LGALS9: variants seen among roughly 807,000 people sequenced by gnomAD.
LGALS9 encodes the protein galectin 9.
Under a neutral mutation model 35.9 loss-of-function variants are expected in LGALS9, and 26 were observed. The ratio of observed to expected loss-of-function variants is 0.72; its 90% CI spans 0.53 to 1.01. The LOEUF is 1.01. LGALS9 is among the 50% of genes least tolerant of loss of function. LGALS9 has a pLI of 0.00. For missense variants in LGALS9, 347 were observed against 445.8 expected (o/e 0.78, Z 1.99); for synonymous variants, 149 against 172.2 (o/e 0.87, Z 1.06).
At chr17:27,639,322 C>T (rs1399250057) in intron 2 of LGALS9, among the ~76,000 whole-genome samples, 3 of 152,132 alleles carry the variant, frequency 2.0e-5, no homozygotes, top group Non-Finnish European at 4.4e-5. Flanking sequence ...CCTGATCTTC[C>T]GCCCCTTCCT....
At position 27,640,633 on chromosome 17, in the gene LGALS9, C is replaced by T. The variant is rs780439566; in HGVS notation, c.193C>T (p.Arg65Trp). The T allele has an allele frequency of 6.2e-7, 1 of 1,614,146 alleles. No individual in the cohort carries two copies. The change falls in exon 3 of 11, where the codon CGG becomes TGG. Residue 65 changes from arginine to tryptophan, a missense_variant. Arg to Trp is a moderately radical substitution (Grantham distance 101, BLOSUM62 -3). Coordinates refer to ENST00000395473, the MANE Select transcript of LGALS9 (RefSeq NM_009587.3). ...GNDIAFHFNP[R>W]FEDGGYVVCN... ...TGACATTGCCTTCCACTTCAACCCT[C>T]GGTTTGAAGATGGAGGGTACGTGGT...
intron 7 of LGALS9, among the ~76,000 whole-genome samples, chr17:27,646,260 G>C (rs902539037): frequency 2.6e-5 from 4 of 152,106 alleles, no homozygotes; most frequent in African/African-American, 9.7e-5. Flanking sequence ...TTGATCACAG[G>C]CTTAAGCTCT....
At position 27,646,588 on chromosome 17, in the gene LGALS9, T is replaced by C; in HGVS notation, c.669T>C (p.Tyr223=). The part of the protein sequence containing the change: ...IPPMMYPHPA[Y]PMPFITTILG... ...CTATGATGTACCCCCACCCCGCCTA[T>C]GTAAGTGGTTTCTCAGGGAGGGCAG... Residue 223 remains tyrosine (Y), a splice_region_variant and synonymous_variant, in exon 8 of 11, where the codon TAT becomes TAC. Transcript: ENST00000395473. 4.3e-6 allele frequency: 7 copies of C among 1,612,622 alleles called. No individual in the cohort carries two copies. Among genetic ancestry groups the C allele is most frequent in the Non-Finnish European group, 5.9e-6 (7 of 1,179,940 alleles).
intron 2 of LGALS9, 26 bp from the exon 3 acceptor site, chr17:27,640,546 A>C: frequency 6.2e-7 from 1 of 1,613,876 alleles, no homozygotes; most frequent in Non-Finnish European, 8.5e-7. Context: ...ATGCCACAGA[A>C]GACTATTTGC....
At chr17:27,639,531 A>T (rs1462909688) in intron 2 of LGALS9, among the ~76,000 whole-genome samples, 2 of 152,254 alleles carry the variant, frequency 1.3e-5, no homozygotes, top group Middle Eastern at 3.4e-3. Flanking sequence ...ATACATGCAG[A>T]TATATTTCAA....
intron 1 of LGALS9, among the ~76,000 whole-genome samples, chr17:27,635,512 G>A (rs2074439894): frequency 6.6e-6 from 1 of 151,820 alleles, no homozygotes; most frequent in South Asian, 2.1e-4. Flanking sequence ...GAATTTTGGG[G>A]GCACTATTTA....
intron 1 of LGALS9, among the ~76,000 whole-genome samples, chr17:27,633,871 G>A (rs2074415992): frequency 6.6e-6 from 1 of 152,230 alleles, no homozygotes; most frequent in Non-Finnish European, 1.5e-5. Context: ...TTCAGAGGAG[G>A]GAACTGGGGC....
intron 3 of LGALS9, among the ~76,000 whole-genome samples, chr17:27,641,754 G>T (rs1235841089): frequency 6.6e-6 from 1 of 151,890 alleles, no homozygotes; most frequent in African/African-American, 2.4e-5. Context: ...AGGGCGGATC[G>T]CTTCAGGTCA....
At chr17:27,646,312 T>C (rs1016645331) in intron 7 of LGALS9, among the ~76,000 whole-genome samples, 1 of 151,884 alleles carries the variant, frequency 6.6e-6, no homozygotes, top group East Asian at 1.9e-4. Flanking sequence ...TTAGAATTAG[T>C]GGGGCTGCCT....
intron 5 of LGALS9, 142 bp downstream of exon 5, chr17:27,643,762 T>G: frequency 7.4e-7 from 1 of 1,359,076 alleles, no homozygotes; most frequent in Non-Finnish European, 9.8e-7. Context: ...CTCTGTCCGC[T>G]GGGCACCCAG....
chr17:27,632,150 T>C (rs1341146621), intron 1 of LGALS9, among the ~76,000 whole-genome samples: 5 of 152,002 alleles, frequency 3.3e-5, no homozygotes, highest in Non-Finnish European at 7.4e-5. Flanking sequence ...CCCAGGAGAC[T>C]TCAGGGGTCA....
At chr17:27,648,485 C>A (rs190451148) in intron 10 of LGALS9, among the ~76,000 whole-genome samples, 2 of 152,228 alleles carry the variant, frequency 1.3e-5, no homozygotes, top group East Asian at 3.9e-4. Flanking sequence ...TGTACCCTGA[C>A]TGCTTCGTGG....
intron 8 of LGALS9, 97 bp from the exon 9 acceptor site, chr17:27,646,933 T>G: frequency 4.5e-6 from 7 of 1,548,510 alleles, no homozygotes; most frequent in Non-Finnish European, 6.2e-6. Context: ...AGTAAAGATA[T>G]CATGGGCTTC....
chr17:27,648,508 G>T (rs1376557757), intron 10 of LGALS9, among the ~76,000 whole-genome samples: 1 of 152,144 alleles, frequency 6.6e-6, no homozygotes, highest in Non-Finnish European at 1.5e-5. Context: ...AAGGCATTGG[G>T]GTGGAAAAGA....
intron 1 of LGALS9, among the ~76,000 whole-genome samples, chr17:27,635,794 A>G (rs2074443439): frequency 6.6e-6 from 1 of 152,166 alleles, no homozygotes; most frequent in Admixed American, 6.5e-5. Context: ...GGCTCTGGAG[A>G]GAATCACAGG....
intron 1 of LGALS9, among the ~76,000 whole-genome samples, chr17:27,634,404 A>G (rs2074421117): frequency 6.6e-6 from 1 of 152,088 alleles, no homozygotes; most frequent in African/African-American, 2.4e-5. Context: ...GACAAACATT[A>G]GCCAGGTGTG....
At chr17:27,645,286 A>G (rs1904848473) in intron 5 of LGALS9, 28 bp from the exon 6 acceptor site, 1 of 1,613,738 alleles carries the variant, frequency 6.2e-7, no homozygotes, top group African/African-American at 1.3e-5. Flanking sequence ...CGCGATAACC[A>G]CCATTCTGAC....
chr17:27,645,347 A>G lies in LGALS9; in HGVS notation c.574A>G (p.Ile192Val), dbSNP rs752765910. 6.2e-7 allele frequency: 1 copy of G among 1,613,406 alleles called. No homozygotes were observed. Among genetic ancestry groups the G allele is most frequent in the South Asian group, 1.1e-5 (1 of 90,998 alleles). Residue 192 changes from isoleucine to valine, a missense_variant and splice_region_variant, in exon 6 of 11, where the codon ATT becomes GTT. Transcript: ENST00000395473. ...PGVWPANPAP[I>V]TQTVIHTVQS... Reference sequence around the variant, plus strand: ...CGTGTGGCCTGCCAACCCGGCTCCCATTGTAAGTCTCTTGCTTTCTTTTTG... The same window carrying G: ...CGTGTGGCCTGCCAACCCGGCTCCCGTTGTAAGTCTCTTGCTTTCTTTTTG...
At chr17:27,637,585 G>A (rs1047364477) in intron 1 of LGALS9, among the ~76,000 whole-genome samples, 9 of 152,202 alleles carry the variant, frequency 5.9e-5, no homozygotes, top group Non-Finnish European at 1.2e-4. Flanking sequence ...GAGGGCCTGA[G>A]GGAAGGAATG....
Sources: allele counts gnomAD v4.1 joint callset (sites outside exome capture counted in the v4.1 genomes callset), GRCh38; gene constraint gnomAD v4.1.1; transcripts MANE v1.5; gene names NCBI Gene and HGNC (gene_info 2026-07-23, HGNC 2026-07-21).